DLGAP2: variants seen among roughly 807,000 people sequenced by gnomAD.
DLGAP2 encodes disks large-associated protein 2.
Under a neutral mutation model 100.3 loss-of-function variants are expected in DLGAP2, and 26 were observed. That is an observed-to-expected ratio of 0.26 (90% CI 0.19 to 0.36). The LOEUF is 0.36. Among genes scored for constraint, DLGAP2 ranks in the 10% least tolerant of loss-of-function variants. The pLI is 1.00. For synonymous variants in DLGAP2, 886 were observed against 630.1 expected (o/e 1.41, Z -6.08); for missense variants, 1,858 against 1,453.2 (o/e 1.28, Z -4.53).
At chr8:805,176 C>A (rs1467120607) in intron 1 of DLGAP2, among the ~76,000 whole-genome samples, 2 of 152,232 alleles carry the variant, frequency 1.3e-5, no homozygotes, top group East Asian at 3.8e-4. Context: ...TTTCTTTTCT[C>A]ATTTATAATG....
intron 3 of DLGAP2, chr8:1,302,004 A>G (rs17754335): frequency 0.77 from 117,548 of 152,292 alleles, 45,827 homozygotes; most frequent in African/African-American, 0.89. Flanking sequence ...TGTCGTGATG[A>G]ATTACTAACA....
At chr8:952,466 G>T (rs377162263) in intron 2 of DLGAP2, among the ~76,000 whole-genome samples, 3 of 152,030 alleles carry the variant, frequency 2.0e-5, no homozygotes, top group Non-Finnish European at 2.9e-5. Flanking sequence ...GTGAAACCCC[G>T]TCTCTACTAA....
chr8:1,283,623 A>G (rs1799865947), intron 3 of DLGAP2, among the ~76,000 whole-genome samples: 1 of 152,220 alleles, frequency 6.6e-6, no homozygotes, highest in Admixed American at 6.5e-5. Flanking sequence ...GATGATGCTG[A>G]TAGAATTTTC....
intron 2 of DLGAP2, among the ~76,000 whole-genome samples, chr8:948,901 G>A (rs1459187027): frequency 6.6e-6 from 1 of 150,770 alleles, no homozygotes; most frequent in Non-Finnish European, 1.5e-5. Context: ...AGCAGGGCCC[G>A]TGGGCGTGAC....
chr8:790,186 G>C (rs1821990407), intron 1 of DLGAP2, among the ~76,000 whole-genome samples: 1 of 152,160 alleles, frequency 6.6e-6, no homozygotes, highest in Non-Finnish European at 1.5e-5. Context: ...GAATGAGGAG[G>C]ATTTTGACAG....
At chr8:1,249,792 G>C (rs560649480) in intron 2 of DLGAP2, among the ~76,000 whole-genome samples, 3 of 152,092 alleles carry the variant, frequency 2.0e-5, no homozygotes, top group Non-Finnish European at 2.9e-5. Flanking sequence ...CTTAACCCTC[G>C]GTGCACATCC....
intron 3 of DLGAP2, among the ~76,000 whole-genome samples, chr8:1,381,608 C>G (rs1037275355): frequency 6.6e-6 from 1 of 152,192 alleles, no homozygotes; most frequent in Non-Finnish European, 1.5e-5. Context: ...GGCGCCCACT[C>G]TTCTACTCTG....
chr8:1,672,579 G>A (rs1012690240), intron 10 of DLGAP2, among the ~76,000 whole-genome samples: 1 of 152,186 alleles, frequency 6.6e-6, no homozygotes, highest in Admixed American at 6.5e-5. Flanking sequence ...GAAGGCAGGG[G>A]CAGCCTGGAA....
intron 2 of DLGAP2, among the ~76,000 whole-genome samples, chr8:1,242,870 G>A (rs1798828195): frequency 6.6e-6 from 1 of 151,894 alleles, no homozygotes; most frequent in African/African-American, 2.4e-5. Flanking sequence ...ACGGATGTGT[G>A]GATGGTCAGA....
chr8:1,349,650 G>A (rs796130603), intron 3 of DLGAP2, among the ~76,000 whole-genome samples: 3 of 51,614 alleles, frequency 5.8e-5, no homozygotes, highest in Non-Finnish European at 8.8e-5. Context: ...CCACACACAG[G>A]TAGGAAGGGG....
At chr8:1,362,811 CCTGGGCTT>C (rs1307732819) in intron 3 of DLGAP2, among the ~76,000 whole-genome samples, 1 of 152,252 alleles carries the variant, frequency 6.6e-6, no homozygotes, top group Non-Finnish European at 1.5e-5. Context: ...GGCGCGACCG[CCTGGGCTT>C]CTGGGCTTCT....
chr8:1,252,644 G>A (rs1408937641), intron 2 of DLGAP2, among the ~76,000 whole-genome samples: 2 of 152,272 alleles, frequency 1.3e-5, no homozygotes, highest in South Asian at 2.1e-4. Context: ...TTGACAAAGA[G>A]TCATGGTTTC....
At chr8:1,343,295 C>T (rs1801461798) in intron 3 of DLGAP2, among the ~76,000 whole-genome samples, 3 of 152,224 alleles carry the variant, frequency 2.0e-5, no homozygotes, top group South Asian at 2.1e-4. Flanking sequence ...CCAGGTGTCT[C>T]TCCCGTGGAG....
intron 2 of DLGAP2, among the ~76,000 whole-genome samples, chr8:1,052,175 G>A (rs1486317726): frequency 1.3e-5 from 2 of 152,148 alleles, no homozygotes; most frequent in African/African-American, 4.8e-5. Flanking sequence ...GGGCCCGGCC[G>A]CCCTTCCTGG....
intron 3 of DLGAP2, among the ~76,000 whole-genome samples, chr8:1,279,184 A>G (rs1799766365): frequency 6.6e-6 from 1 of 152,238 alleles, no homozygotes; most frequent in African/African-American, 2.4e-5. Context: ...ATTTTAAGTT[A>G]GGAAGTTCTT....
intron 3 of DLGAP2, among the ~76,000 whole-genome samples, chr8:1,468,588 C>G (rs995824068): frequency 6.6e-6 from 1 of 152,234 alleles, no homozygotes; most frequent in East Asian, 1.9e-4. Flanking sequence ...AGGTCAGGAC[C>G]CCGGCATCCC....
chr8:1,381,731 G>A (rs756694776), intron 3 of DLGAP2, among the ~76,000 whole-genome samples: 3 of 151,796 alleles, frequency 2.0e-5, no homozygotes, highest in African/African-American at 7.3e-5. Flanking sequence ...GCTCCATCGC[G>A]TTGCCGTGAA....
In DLGAP2 at chr8:1,613,058, C is replaced by T. The variant is rs372883983; in HGVS notation, c.1443-13682C>T. On this transcript the variant is annotated intron_variant, in intron 6 of 14. Coordinates refer to ENST00000637795, the MANE Select transcript of DLGAP2 (RefSeq NM_001346810.2). Reference sequence around the variant, plus strand: ...CATTACTGGGTATATACCCAAAGGACTATAAATCATGCTGCTATAAAGACA... The same window carrying T: ...CATTACTGGGTATATACCCAAAGGATTATAAATCATGCTGCTATAAAGACA... Among the ~76,000 whole-genome samples, 8 of 128,888 alleles carry T rather than the reference C, an allele frequency of 6.2e-5. No individual in the cohort carries two copies. In the South Asian group the frequency reaches 2.3e-3, roughly 37 times the overall value. 84.6% of individuals were successfully genotyped at this position (128,888 alleles called of 152,430 possible).
chr8:1,523,144 C>T (rs6558478), intron 4 of DLGAP2, among the ~76,000 whole-genome samples: 103,078 of 152,084 alleles, frequency 0.68, 35,312 homozygotes, highest in South Asian at 0.82. Context: ...ATGATAAGTT[C>T]TGGGGGGCGG....
Sources: allele counts gnomAD v4.1 joint callset (sites outside exome capture counted in the v4.1 genomes callset), GRCh38; gene constraint gnomAD v4.1.1; transcripts MANE v1.5; gene names NCBI Gene and HGNC (gene_info 2026-07-23, HGNC 2026-07-21).